Variants in TNIP3 observed in about 807,000 individuals in gnomAD.
TNIP3 encodes the protein TNFAIP3-interacting protein 3.
A neutral mutation model predicts 54.1 loss-of-function variants in TNIP3; 34 were observed. That is an observed-to-expected ratio of 0.63 (90% CI 0.48 to 0.84). TNIP3 has a LOEUF of 0.84. Ranked by LOEUF, TNIP3 falls within the 40% of genes least tolerant of loss-of-function variation. TNIP3 has a pLI of 0.00. For synonymous variants in TNIP3, 134 were observed against 136.8 expected, an observed-to-expected ratio of 0.98 and a Z score of 0.14; for missense variants, 366 against 387.6, an observed-to-expected ratio of 0.94 and a Z score of 0.47.
rs188390496 is a variant in TNIP3, at chr4:121,158,945, A to G, written c.148-193T>C. On this transcript the variant is annotated intron_variant, in intron 2 of 10. Coordinates refer to ENST00000057513, the MANE Select transcript of TNIP3 (RefSeq NM_024873.6). ...CTCTCACTGTTTATAACTGGTTCGT[A>G]TATGAAAAACTACTGGCTGGGTCCG... 1.1e-4 allele frequency among the ~76,000 whole-genome samples: 17 copies of G among 152,338 alleles called. No homozygotes were observed. The East Asian group carries it at 3.3e-3, about 29-fold the overall frequency.
intron 2 of TNIP3, among the ~76,000 whole-genome samples, chr4:121,186,721 C>A (rs1189185588): frequency 1.3e-5 from 2 of 152,082 alleles, no homozygotes; most frequent in African/African-American, 2.4e-5. Flanking sequence ...GGAATAGTTA[C>A]CAAACATTCT....
At chr4:121,177,514 A>G (rs1303139308) in intron 3 of TNIP3, among the ~76,000 whole-genome samples, 1 of 152,224 alleles carries the variant, frequency 6.6e-6, no homozygotes, top group African/African-American at 2.4e-5. Flanking sequence ...GGAACTTGAC[A>G]TATATCTCAG....
chr4:121,162,253 C>T (rs532990568), intron 1 of TNIP3, among the ~76,000 whole-genome samples: 3 of 152,164 alleles, frequency 2.0e-5, no homozygotes, highest in African/African-American at 7.2e-5. Flanking sequence ...TCTATCTTTT[C>T]TCTGTTTGTT....
intron 4 of TNIP3, among the ~76,000 whole-genome samples, chr4:121,155,198 C>T (rs1020258486): frequency 1.3e-5 from 2 of 151,994 alleles, no homozygotes; most frequent in African/African-American, 4.8e-5. Flanking sequence ...CTCCTGACCT[C>T]GTGATCTGCC....
chr4:121,134,898 C>A (rs1478229038), intron 10 of TNIP3, among the ~76,000 whole-genome samples: 2 of 152,216 alleles, frequency 1.3e-5, no homozygotes, highest in Non-Finnish European at 2.9e-5. Context: ...GAAGTCCCTG[C>A]CCAGGTGATT....
intron 3 of TNIP3, 165 bp from the exon 4 acceptor site, chr4:121,157,408 GT>G: frequency 1.2e-6 from 1 of 816,218 alleles, no homozygotes; most frequent in Non-Finnish European, 1.9e-6. Context: ...GGATACTCGC[GT>G]TTCAAAGGGA....
At chr4:121,169,261 C>T (rs1024969021), upstream of TNIP3, among the ~76,000 whole-genome samples, 2 of 152,132 alleles carry the variant, frequency 1.3e-5, no homozygotes, top group African/African-American at 2.4e-5. Flanking sequence ...CTGGCCACAC[C>T]GTTGCCCCTT....
chr4:121,159,243 A>G (rs904951371), intron 2 of TNIP3, among the ~76,000 whole-genome samples: 2 of 152,214 alleles, frequency 1.3e-5, no homozygotes, highest in African/African-American at 4.8e-5. Context: ...ACTCCATCTC[A>G]TGGAAAGAAA....
chr4:121,144,998 T>C (rs1729346874), intron 7 of TNIP3, among the ~76,000 whole-genome samples: 1 of 152,194 alleles, frequency 6.6e-6, no homozygotes, highest in South Asian at 2.1e-4. Flanking sequence ...TATTTCTAAG[T>C]ACCCTAAGCA....
upstream of TNIP3, among the ~76,000 whole-genome samples, chr4:121,165,801 T>C (rs1285383067): frequency 2.6e-5 from 4 of 152,100 alleles, no homozygotes. Context: ...AATTGTTCAT[T>C]CAGGGTTCTG....
In TNIP3 at chr4:121,143,417, T is replaced by C. The variant is rs113293571; in HGVS notation, c.736-641A>G. ...TGTTCATTCACATCATTGTCATTCC[T>C]ACACTCCATGTCCCACATTCCCATA... On this transcript the variant is annotated intron_variant, in intron 7 of 10. Coordinates refer to ENST00000057513, the MANE Select transcript of TNIP3 (RefSeq NM_024873.6). Among the ~76,000 whole-genome samples the C allele has an allele frequency of 5.2e-3, 789 of 152,376 alleles. 5 individuals are homozygous for C. The highest frequency in any genetic ancestry group is 0.01 in the Middle Eastern group (3 of 294).
intron 7 of TNIP3, 90 bp from the exon 8 acceptor site, chr4:121,142,866 T>C: frequency 9.1e-7 from 1 of 1,097,132 alleles, no homozygotes; most frequent in Admixed American, 2.0e-5. Context: ...TGTCAGGCAT[T>C]GACAGCAGTA....
chr4:121,191,707 C>G (rs1178883956), intron 2 of TNIP3, among the ~76,000 whole-genome samples: 5 of 152,102 alleles, frequency 3.3e-5, no homozygotes, highest in Non-Finnish European at 1.5e-5. Flanking sequence ...ATAATTTTCC[C>G]TAGTATCTCA....
intron 2 of TNIP3, among the ~76,000 whole-genome samples, chr4:121,194,876 ACTT>A (rs1286889249): frequency 7.9e-5 from 12 of 152,192 alleles, no homozygotes; most frequent in African/African-American, 2.9e-4. Flanking sequence ...ACACACACAG[ACTT>A]CTTCTCAGCA....
intron 1 of TNIP3, 129 bp downstream of exon 1, chr4:121,163,931 A>G (rs1037014233): frequency 5.6e-6 from 6 of 1,077,724 alleles, no homozygotes; most frequent in East Asian, 2.8e-5. Context: ...GGTTAAAAAT[A>G]TAGAGCAAAT....
At chr4:121,149,742 A>G (rs943161004) in intron 6 of TNIP3, among the ~76,000 whole-genome samples, 1 of 152,188 alleles carries the variant, frequency 6.6e-6, no homozygotes, top group Non-Finnish European at 1.5e-5. Context: ...CCACAGCCTC[A>G]GTGACAATGG....
At chr4:121,190,706 TAGTC>T (rs1248188304) in intron 2 of TNIP3, among the ~76,000 whole-genome samples, 1 of 152,160 alleles carries the variant, frequency 6.6e-6, no homozygotes, top group African/African-American at 2.4e-5. Flanking sequence ...ATTAAAGCCA[TAGTC>T]AGGCCAATAC....
chr4:121,170,044 C>T (rs1560666067), intron 3 of TNIP3, among the ~76,000 whole-genome samples: 1 of 152,218 alleles, frequency 6.6e-6, no homozygotes, highest in Admixed American at 6.5e-5. Context: ...AGTAAACAAT[C>T]TGACCCACCT....
At chr4:121,203,484 G>A (rs1038833305) in intron 2 of TNIP3, among the ~76,000 whole-genome samples, 1 of 152,042 alleles carries the variant, frequency 6.6e-6, no homozygotes, top group African/African-American at 2.4e-5. Flanking sequence ...ATGGGACAGG[G>A]GTGAGGGATA....
Sources: allele counts gnomAD v4.1 joint callset (sites outside exome capture counted in the v4.1 genomes callset), GRCh38; gene constraint gnomAD v4.1.1; transcripts MANE v1.5; gene names NCBI Gene and HGNC (gene_info 2026-07-23, HGNC 2026-07-21).